The following PTPRM variants were observed in gnomAD, a reference collection of about 807,000 sequenced individuals.
PTPRM encodes receptor-type tyrosine-protein phosphatase mu.
Under a neutral mutation model 186.7 loss-of-function variants are expected in PTPRM, and 47 were observed. That is an observed-to-expected ratio of 0.25 (90% CI 0.20 to 0.32). PTPRM has a LOEUF of 0.32. PTPRM is among the 10% of genes least tolerant of loss of function. The probability of loss-of-function intolerance (pLI) is 1.00; values close to 1 mark genes in which losing one functional copy is unlikely to be tolerated. For synonymous variants in PTPRM, 668 were observed against 674.9 expected, an observed-to-expected ratio of 0.99 and a Z score of 0.16; for missense variants, 1,494 against 1,865.0, an observed-to-expected ratio of 0.80 and a Z score of 3.66.
intron 7 of PTPRM, among the ~76,000 whole-genome samples, chr18:8,023,625 CTAAG>C (rs1456214677): frequency 6.6e-6 from 1 of 152,034 alleles, no homozygotes; most frequent in African/African-American, 2.4e-5. Flanking sequence ...GAGAATTAGA[CTAAG>C]TAATGTGAGA....
At chr18:8,326,600 G>A (rs2095378381) in intron 22 of PTPRM, among the ~76,000 whole-genome samples, 1 of 152,084 alleles carries the variant, frequency 6.6e-6, no homozygotes, top group South Asian at 2.1e-4. Context: ...TAGACCAACA[G>A]AACAGAATAG....
At chr18:8,052,330 T>C (rs976837921) in intron 7 of PTPRM, among the ~76,000 whole-genome samples, 2 of 152,150 alleles carry the variant, frequency 1.3e-5, no homozygotes, top group African/African-American at 2.4e-5. Flanking sequence ...ATAATGACAT[T>C]TTGGTCAACC....
intron 14 of PTPRM, among the ~76,000 whole-genome samples, chr18:8,240,649 GAGAGAAAGAAAGAA>G (rs1207287192): frequency 3.2e-4 from 11 of 34,648 alleles, no homozygotes; most frequent in Non-Finnish European, 4.4e-4. Flanking sequence ...GAGAGAGAGA[GAGAGAAAGAAAGAA>G]AGAAAGAAAG....
intron 1 of PTPRM, among the ~76,000 whole-genome samples, chr18:7,712,677 G>T (rs1005402752): frequency 6.6e-6 from 1 of 151,878 alleles, no homozygotes; most frequent in Non-Finnish European, 1.5e-5. Context: ...GAACATAAAT[G>T]ACCTGATGGA....
intron 1 of PTPRM, among the ~76,000 whole-genome samples, chr18:7,772,284 C>CT (rs375669000): frequency 5.5e-5 from 8 of 145,020 alleles, no homozygotes; most frequent in South Asian, 2.3e-4. Context: ...CTTTTCTTTT[C>CT]TTTCTCTCCT....
chr18:8,187,084 C>A (rs1054863462), intron 14 of PTPRM, among the ~76,000 whole-genome samples: 1 of 151,968 alleles, frequency 6.6e-6, no homozygotes, highest in East Asian at 1.9e-4. Context: ...GGATTACAGG[C>A]GCATGCCACC....
intron 14 of PTPRM, among the ~76,000 whole-genome samples, chr18:8,181,194 T>C (rs796550495): frequency 6.6e-5 from 10 of 152,352 alleles, no homozygotes; most frequent in African/African-American, 2.4e-4. Flanking sequence ...TTGAAAGCTA[T>C]GTCAGATGTT....
In PTPRM at chr18:7,974,489, G is replaced by A. The variant is rs190264207; in HGVS notation, c.1132+19075G>A. ...CATCACAAATAAATGGTTTTAATCCGGACGTTTTGGGCTGCAAGTAATATA... is the reference window on the plus strand; with the variant it reads ...CATCACAAATAAATGGTTTTAATCCAGACGTTTTGGGCTGCAAGTAATATA... On this transcript the variant is annotated intron_variant, in intron 7 of 32. Coordinates refer to ENST00000580170, the MANE Select transcript of PTPRM (RefSeq NM_001105244.2). Among the ~76,000 whole-genome samples the A allele has an allele frequency of 1.9e-3, 284 of 152,280 alleles. 1 individual carries two copies. Among genetic ancestry groups the A allele is most frequent in the African/African-American group, 3.2e-3 (135 of 41,564 alleles).
intron 24 of PTPRM, among the ~76,000 whole-genome samples, chr18:8,373,444 C>T (rs1237775509): frequency 2.0e-5 from 3 of 152,174 alleles, no homozygotes; most frequent in Non-Finnish European, 4.4e-5. Flanking sequence ...AAATAATACA[C>T]AGTACCCAGA....
chr18:8,393,611 GTT>G (rs2095829037), intron 31 of PTPRM, among the ~76,000 whole-genome samples: 1 of 152,206 alleles, frequency 6.6e-6, no homozygotes, highest in Admixed American at 6.5e-5. Flanking sequence ...CACGTTCTTG[GTT>G]TGCATAATGC....
intron 23 of PTPRM, among the ~76,000 whole-genome samples, chr18:8,355,318 G>T (rs914913736): frequency 6.6e-6 from 1 of 152,274 alleles, no homozygotes; most frequent in African/African-American, 2.4e-5. Context: ...AGGGGTGCCT[G>T]GTGCTGAGTA....
At chr18:8,160,076 A>C (rs2093200596) in intron 14 of PTPRM, among the ~76,000 whole-genome samples, 2 of 152,178 alleles carry the variant, frequency 1.3e-5, no homozygotes, top group South Asian at 4.1e-4. Context: ...ATTCAAAAGA[A>C]AAATGGGCTC....
intron 2 of PTPRM, among the ~76,000 whole-genome samples, chr18:7,836,342 C>T (rs1367951939): frequency 6.6e-6 from 1 of 152,112 alleles, no homozygotes; most frequent in African/African-American, 2.4e-5. Context: ...AACAACACTG[C>T]ATAAACAAAC....
intron 2 of PTPRM, among the ~76,000 whole-genome samples, chr18:7,848,630 A>T (rs938441559): frequency 6.6e-6 from 1 of 151,980 alleles, no homozygotes; most frequent in African/African-American, 2.4e-5. Flanking sequence ...AAAATTAGCC[A>T]GGAATGCCTG....
At chr18:7,850,619 T>C (rs2046814425) in intron 2 of PTPRM, among the ~76,000 whole-genome samples, 1 of 152,112 alleles carries the variant, frequency 6.6e-6, no homozygotes, top group Non-Finnish European at 1.5e-5. Context: ...CCTCAAAGGG[T>C]TTCACTGTAG....
chr18:7,605,579 C>T (rs958975744), intron 1 of PTPRM, among the ~76,000 whole-genome samples: 6 of 152,148 alleles, frequency 3.9e-5, no homozygotes, highest in African/African-American at 1.2e-4. Flanking sequence ...TGTCGTGAAT[C>T]GAACCAAATC....
rs1237892823 is a variant in PTPRM at position 7,568,120 on chromosome 18, G to A, written c.73+229G>A. On this transcript the variant is annotated intron_variant, in intron 1 of 32. Coordinates refer to ENST00000580170, the MANE Select transcript of PTPRM (RefSeq NM_001105244.2). The surrounding 1 kb of genome is among the most constrained non-coding windows in gnomAD (Gnocchi z 5.1). Reference sequence around the variant, plus strand: ...CGGAGCGGACGGACCCCGAGGGCGAGCTCCCCAGCCGGGACTGCCAGCTCG... The same window carrying A: ...CGGAGCGGACGGACCCCGAGGGCGAACTCCCCAGCCGGGACTGCCAGCTCG... Among the ~76,000 whole-genome samples, 1 of 151,928 alleles carries A rather than the reference G, an allele frequency of 6.6e-6. No homozygotes were observed. Among genetic ancestry groups the A allele is most frequent in the Non-Finnish European group, 1.5e-5 (1 of 67,944 alleles).
chr18:7,691,779 C>T (rs1234145788), intron 1 of PTPRM, among the ~76,000 whole-genome samples: 4 of 152,090 alleles, frequency 2.6e-5, no homozygotes, highest in Non-Finnish European at 5.9e-5. Flanking sequence ...ACAACAAAAA[C>T]AAAAAAACAA....
intron 1 of PTPRM, among the ~76,000 whole-genome samples, chr18:7,657,499 C>T (rs190338972): frequency 6.2e-4 from 94 of 152,292 alleles, no homozygotes; most frequent in African/African-American, 2.1e-3. Context: ...TCCTTCACCT[C>T]GCTCATCACT....
Sources: allele counts gnomAD v4.1 joint callset (sites outside exome capture counted in the v4.1 genomes callset), GRCh38; gene constraint gnomAD v4.1.1; non-coding constraint Gnocchi (gnomAD v3.1); transcripts MANE v1.5; gene names NCBI Gene and HGNC (gene_info 2026-07-23, HGNC 2026-07-21).